The following GABRA3 variants were observed in gnomAD, a reference collection of about 807,000 sequenced individuals.
GABRA3 encodes gamma-aminobutyric acid receptor subunit alpha-3.
Under a neutral mutation model 30.1 loss-of-function variants are expected in GABRA3, and 10 were observed. That is an observed-to-expected ratio of 0.33 (90% CI 0.20 to 0.56). GABRA3 has a LOEUF of 0.56. Ranked by LOEUF, GABRA3 falls within the 20% of genes least tolerant of loss-of-function variation. The probability of loss-of-function intolerance (pLI) is 0.89; values close to 1 mark genes in which losing one functional copy is unlikely to be tolerated. For synonymous variants in GABRA3, 151 were observed against 146.8 expected, an observed-to-expected ratio of 1.03 and a Z score of -0.21; for missense variants, 233 against 392.0, an observed-to-expected ratio of 0.59 and a Z score of 3.42.
intron 9 of GABRA3, among the ~76,000 whole-genome samples, chrX:152,175,533 A>G (rs1183675413): frequency 2.7e-5 from 3 of 111,867 alleles, no homozygotes; most frequent in African/African-American, 9.8e-5. Context: ...ATAGAAGCAA[A>G]AAAATGCATA....
intron 3 of GABRA3, among the ~76,000 whole-genome samples, chrX:152,312,299 T>C (rs1047540508): frequency 9.0e-6 from 1 of 111,619 alleles, no homozygotes; most frequent in Non-Finnish European, 1.9e-5. Flanking sequence ...CATAGACCAA[T>C]AGAACATGCT....
At chrX:152,413,890 G>A (rs1483239074) in intron 1 of GABRA3, among the ~76,000 whole-genome samples, 31 of 108,803 alleles carry the variant, frequency 2.8e-4, no homozygotes, top group Non-Finnish European at 5.7e-4. Context: ...AGAAAATCCC[G>A]AGGAATAAAA....
At chrX:152,380,187 T>C (rs1480889703) in intron 1 of GABRA3, among the ~76,000 whole-genome samples, 1 of 111,647 alleles carries the variant, frequency 9.0e-6, no homozygotes, top group Non-Finnish European at 1.9e-5. Context: ...TGCTGTGCAA[T>C]AGATCTCAAA....
intron 2 of GABRA3, among the ~76,000 whole-genome samples, chrX:152,348,266 G>A (rs1465503735): frequency 9.0e-6 from 1 of 110,760 alleles, no homozygotes; most frequent in Non-Finnish European, 1.9e-5. Flanking sequence ...GAGAAGCTTA[G>A]ATATTGTATA....
chrX:152,352,861 T>C (rs1456018392), intron 2 of GABRA3, among the ~76,000 whole-genome samples: 1 of 111,207 alleles, frequency 9.0e-6, no homozygotes, highest in Non-Finnish European at 1.9e-5. Context: ...ACTACTTCTC[T>C]TTCTGACCAC....
At chrX:152,329,560 G>A (rs1284657889) in intron 3 of GABRA3, among the ~76,000 whole-genome samples, 2 of 111,715 alleles carry the variant, frequency 1.8e-5, no homozygotes, top group Non-Finnish European at 1.9e-5. Flanking sequence ...TCAACCATCT[G>A]ATCTTTGATA....
intron 3 of GABRA3, among the ~76,000 whole-genome samples, chrX:152,308,402 T>C (rs1056460012): frequency 2.7e-5 from 3 of 112,277 alleles, no homozygotes; most frequent in African/African-American, 9.7e-5. Flanking sequence ...CCCAACAATG[T>C]TATTGCTGGC....
chrX:152,237,796 C>G (rs1938258030), intron 5 of GABRA3, among the ~76,000 whole-genome samples: 1 of 106,630 alleles, frequency 9.4e-6, no homozygotes, highest in African/African-American at 3.4e-5. Flanking sequence ...CTCTGTTTGT[C>G]TGTTGTTGGT....
At chrX:152,369,812 A>T (rs1042045204) in intron 1 of GABRA3, among the ~76,000 whole-genome samples, 14 of 111,526 alleles carry the variant, frequency 1.3e-4, no homozygotes, top group African/African-American at 4.6e-4. Context: ...TTTAAATTCA[A>T]AGATATATGC....
At chrX:152,195,966 C>T (rs1345547055) in intron 8 of GABRA3, among the ~76,000 whole-genome samples, 2 of 111,107 alleles carry the variant, frequency 1.8e-5, no homozygotes, top group African/African-American at 6.6e-5. Flanking sequence ...AGTCCATCTG[C>T]TTATCTTCCT....
chrX:152,268,053 T>A (rs1173769675), intron 4 of GABRA3, among the ~76,000 whole-genome samples: 1 of 111,717 alleles, frequency 9.0e-6, no homozygotes. Flanking sequence ...TTTTTTTAGT[T>A]TTTGAAGTGC....
chrX:152,400,606 C>A (rs1929770309), intron 1 of GABRA3, among the ~76,000 whole-genome samples: 1 of 111,772 alleles, frequency 8.9e-6, no homozygotes, highest in African/African-American at 3.3e-5. Flanking sequence ...CTAGTATTAT[C>A]CCTATGAATA....
intron 8 of GABRA3, among the ~76,000 whole-genome samples, chrX:152,192,175 G>A (rs1045379470): frequency 2.7e-5 from 3 of 111,920 alleles, no homozygotes; most frequent in Non-Finnish European, 3.8e-5. Context: ...TCAACTTTTT[G>A]AAAGCTCTTA....
At chrX:152,370,602 T>A (rs1373466388) in intron 1 of GABRA3, among the ~76,000 whole-genome samples, 1 of 112,163 alleles carries the variant, frequency 8.9e-6, no homozygotes, top group Non-Finnish European at 1.9e-5. Context: ...AATTAAATAA[T>A]CTAATTCATA....
chrX:152,171,379 C>T, intron 9 of GABRA3: 2 of 675,810 alleles, frequency 3.0e-6, no homozygotes, highest in Non-Finnish European at 3.5e-6. Flanking sequence ...TTTCTTCCAC[C>T]ATTTTCAACA....
At chrX:152,357,675 C>A (rs2047943336) in intron 2 of GABRA3, among the ~76,000 whole-genome samples, 1 of 111,669 alleles carries the variant, frequency 9.0e-6, no homozygotes, top group African/African-American at 3.3e-5. Flanking sequence ...CTTTTCATGT[C>A]TTCATCATGA....
At chrX:152,290,619 T>A (rs756201456) in intron 3 of GABRA3, among the ~76,000 whole-genome samples, 1 of 111,919 alleles carries the variant, frequency 8.9e-6, no homozygotes, top group African/African-American at 3.2e-5. Flanking sequence ...ATTGCCTAGG[T>A]TTTCTTTTAG....
chrX:152,437,527 C>T (rs946572961), intron 1 of GABRA3, among the ~76,000 whole-genome samples: 12 of 111,212 alleles, frequency 1.1e-4, no homozygotes, highest in African/African-American at 3.9e-4. Context: ...TATCAATAAA[C>T]AGATGCTGAA....
intron 5 of GABRA3, among the ~76,000 whole-genome samples, chrX:152,237,702 C>T (rs1021953848): frequency 9.5e-6 from 1 of 105,120 alleles, no homozygotes; most frequent in African/African-American, 3.6e-5. Flanking sequence ...TGAAGAGGTC[C>T]TTCACATCCC....
Sources: allele counts gnomAD v4.1 joint callset (sites outside exome capture counted in the v4.1 genomes callset), GRCh38; gene constraint gnomAD v4.1.1; transcripts MANE v1.5; gene names NCBI Gene and HGNC (gene_info 2026-07-23, HGNC 2026-07-21).